The following SMCO2 variants were observed in gnomAD, a reference collection of about 807,000 sequenced individuals.
SMCO2 encodes the protein single-pass membrane protein with coiled-coil domains 2.
A neutral mutation model predicts 29.5 loss-of-function variants in SMCO2; 25 were observed. The ratio of observed to expected loss-of-function variants is 0.85; its 90% CI spans 0.62 to 1.18. The LOEUF is 1.18. Among genes scored for constraint, SMCO2 ranks in the 50% most tolerant of loss-of-function variants. The pLI is 0.00. For missense variants in SMCO2, 348 were observed against 344.5 expected, an observed-to-expected ratio of 1.01 and a Z score of -0.08; for synonymous variants, 117 against 123.3, an observed-to-expected ratio of 0.95 and a Z score of 0.34.
the SMCO2 span, among the ~76,000 whole-genome samples, chr12:27,432,130 AG>A: frequency 6.6e-6 from 1 of 152,094 alleles, no homozygotes; most frequent in Non-Finnish European, 1.5e-5. Flanking sequence ...GTTGAGTTGT[AG>A]GAGTTTTTAA....
chr12:27,478,668 G>T (rs1301650990), intron 4 of SMCO2, among the ~76,000 whole-genome samples: 3 of 152,262 alleles, frequency 2.0e-5, no homozygotes, highest in African/African-American at 4.8e-5. Flanking sequence ...AACACACATA[G>T]GTGCAGGCAG....
At chr12:27,462,563 G>T (rs139487079), upstream of SMCO2, among the ~76,000 whole-genome samples, 17 of 152,244 alleles carry the variant, frequency 1.1e-4, 1 homozygote, top group East Asian at 3.3e-3. Flanking sequence ...GTACAATAAA[G>T]CCACTGCATA....
chr12:27,428,640 G>A, the SMCO2 span, among the ~76,000 whole-genome samples: 1 of 151,492 alleles, frequency 6.6e-6, no homozygotes, highest in Non-Finnish European at 1.5e-5. Context: ...TGTTGAGGGA[G>A]TCAGTAAAGA....
rs1023401592 is a variant in SMCO2, at chr12:27,495,910, A to C, written c.683+55A>C. On this transcript the variant is annotated intron_variant, in intron 7 of 7. Coordinates refer to ENST00000298876, the Ensembl canonical transcript of SMCO2. ...TGGATGACTGCCCCAAAATGTATGG[A>C]TTATGCTGGGATTGATTTTTTTCAA... 4.1e-5 allele frequency: 54 copies of C among 1,318,026 alleles called. No homozygotes were observed. The Admixed American group carries it at 1.6e-3, about 38-fold the overall frequency. The allele number at this position is 1,318,026 out of a possible 1,614,324, so 81.6% of individuals were successfully genotyped here.
chr12:27,457,504 G>T, the SMCO2 span, among the ~76,000 whole-genome samples: 2 of 152,330 alleles, frequency 1.3e-5, no homozygotes, highest in South Asian at 4.1e-4. Context: ...AGTTTTCACA[G>T]TATCAGAACC....
exon 2 of SMCO2, chr12:27,470,706 G>A (rs1949534039): frequency 1.9e-6 from 3 of 1,551,112 alleles, no homozygotes; most frequent in Non-Finnish European, 2.6e-6. Flanking sequence ...AACAACAGCT[G>A]ACTAAGAAAA....
chr12:27,434,498 C>T, the SMCO2 span, among the ~76,000 whole-genome samples: 4 of 152,096 alleles, frequency 2.6e-5, no homozygotes, highest in South Asian at 2.1e-4. Context: ...AATGAGCTGT[C>T]AAACAATGAC....
In SMCO2 at chr12:27,474,683, A is replaced by G. The variant is rs1039543559; in HGVS notation, c.235-103A>G. ...GAAAGCTCCAGTCTCAGAGAGGACT[A>G]TGTGCTTGACCCCAGCAAAGGGGGA... On this transcript the variant is annotated intron_variant, in intron 3 of 7. Transcript: ENST00000298876. The G allele has an allele frequency of 2.5e-5, 33 of 1,329,756 alleles. No homozygotes were observed. In the East Asian group the frequency reaches 8.4e-4, roughly 34 times the overall value. 82.4% of individuals were successfully genotyped at this position (1,329,756 alleles called of 1,614,324 possible).
chr12:27,434,588 C>T, the SMCO2 span, among the ~76,000 whole-genome samples: 2 of 151,926 alleles, frequency 1.3e-5, no homozygotes, highest in East Asian at 3.9e-4. Context: ...TTCAGGAAAA[C>T]AAACCAACTG....
intron 4 of SMCO2, 23 bp downstream of exon 5, chr12:27,475,754 G>T (rs928151353): frequency 6.8e-7 from 1 of 1,462,040 alleles, no homozygotes; most frequent in Admixed American, 2.8e-5. Context: ...TGTTGGGGTT[G>T]GTCATAAAAT....
chr12:27,490,250 G>A (rs566356628), intron 5 of SMCO2, among the ~76,000 whole-genome samples: 110 of 152,326 alleles, frequency 7.2e-4, no homozygotes, highest in African/African-American at 2.5e-3. Context: ...AAAGAAGCCA[G>A]ATTCAGAAGA....
chr12:27,486,268 G>A (rs1416138908), intron 4 of SMCO2, among the ~76,000 whole-genome samples: 1 of 152,174 alleles, frequency 6.6e-6, no homozygotes. Flanking sequence ...TTGGCACTCT[G>A]CTGGGCAAAT....
At chr12:27,495,599 A>G in intron 6 of SMCO2, 81 bp from the exon 8 acceptor site, 1 of 1,301,970 alleles carries the variant, frequency 7.7e-7, no homozygotes, top group Admixed American at 2.7e-5. Context: ...GATCCAGAGG[A>G]AAAGCACTCA....
the SMCO2 span, among the ~76,000 whole-genome samples, chr12:27,427,015 C>T: frequency 1.3e-5 from 2 of 152,200 alleles, no homozygotes; most frequent in Admixed American, 1.3e-4. Context: ...CAATTGAAAA[C>T]GCCACAGTCC....
At chr12:27,460,847 A>T in the SMCO2 span, among the ~76,000 whole-genome samples, 2 of 152,172 alleles carry the variant, frequency 1.3e-5, no homozygotes, top group Non-Finnish European at 2.9e-5. Flanking sequence ...CCCAGAAACC[A>T]CTGCTTCCTT....
intron 7 of SMCO2, chr12:27,498,161 ATCT>A (rs1322479619): frequency 2.8e-6 from 1 of 358,788 alleles, no homozygotes; most frequent in Non-Finnish European, 5.5e-6. Context: ...GAGTGACAAC[ATCT>A]TCTCGTTTGA....
At chr12:27,449,655 G>C in the SMCO2 span, among the ~76,000 whole-genome samples, 1 of 152,212 alleles carries the variant, frequency 6.6e-6, no homozygotes, top group Non-Finnish European at 1.5e-5. Context: ...CTGGTCCCTT[G>C]AAGGGGGGAA....
chr12:27,497,360 G>C (rs11049036), intron 7 of SMCO2: 19,525 of 204,642 alleles, frequency 0.095, 1,740 homozygotes, highest in East Asian at 0.28. Context: ...TGATGTAAAG[G>C]AATTTGATGA....
At chr12:27,444,481 C>A in the SMCO2 span, among the ~76,000 whole-genome samples, 6 of 152,142 alleles carry the variant, frequency 3.9e-5, no homozygotes, top group African/African-American at 1.4e-4. Context: ...GCCATCAAAG[C>A]AAAAATAGAC....
Sources: allele counts gnomAD v4.1 joint callset (sites outside exome capture counted in the v4.1 genomes callset), GRCh38; gene constraint gnomAD v4.1.1; transcripts MANE v1.5; gene names NCBI Gene and HGNC (gene_info 2026-07-23, HGNC 2026-07-21).